The following GPHN variants were observed in gnomAD, a reference collection of about 807,000 sequenced individuals.
The protein encoded by GPHN is gephyrin.
GPHN carries 17 observed loss-of-function variants against 95.5 expected under a neutral mutation model. The observed-to-expected ratio is 0.18, with a 90% CI of 0.12 to 0.27. GPHN has a LOEUF of 0.27. GPHN is among the 10% of genes least tolerant of loss of function. GPHN has a pLI of 1.00. For synonymous variants in GPHN, 320 were observed against 322.5 expected (o/e 0.99, Z 0.08); for missense variants, 660 against 978.1 (o/e 0.67, Z 4.34).
At chr14:67,575,326 G>T in the GPHN span, 1 of 940,992 alleles carries the variant, frequency 1.1e-6, no homozygotes, top group Non-Finnish European at 1.6e-6. Flanking sequence ...GCTTCTATTT[G>T]CCAGTCCTGG....
At chr14:67,441,429 C>T in the GPHN span, among the ~76,000 whole-genome samples, 1 of 152,290 alleles carries the variant, frequency 6.6e-6, no homozygotes, top group African/African-American at 2.4e-5. Flanking sequence ...CCCAGTGAAC[C>T]ACTGTGTGGG....
In GPHN at chr14:66,740,664, T is replaced by G. The variant is rs2072725132; in HGVS notation, c.144-35800T>G. Among the ~76,000 whole-genome samples the G allele has an allele frequency of 5.3e-5, 8 of 152,326 alleles. No homozygotes were observed. The South Asian group carries it at 1.7e-3, about 32-fold the overall frequency. ...TCCTGTGGTAAGTGCTTATCATATT[T>G]TTAAAATGACTGATATTTGGCTCTT... is the stretch of plus-strand genomic sequence containing the variant. On this transcript the variant is annotated intron_variant, in intron 2 of 22. Coordinates refer to ENST00000478722, the MANE Select transcript of GPHN (RefSeq NM_020806.5).
the GPHN span, among the ~76,000 whole-genome samples, chr14:67,427,919 A>G: frequency 7.7e-6 from 1 of 130,128 alleles, no homozygotes; most frequent in African/African-American, 3.6e-5. Flanking sequence ...GGAGCTCGAC[A>G]ATGCCCTTTT....
At chr14:67,572,040 G>A in the GPHN span, 39 of 1,489,504 alleles carry the variant, frequency 2.6e-5, no homozygotes, top group East Asian at 3.0e-4. Context: ...CCCAGAGACC[G>A]GGTCCCGGGT....
chr14:67,115,093 T>C (rs2078599721), intron 16 of GPHN, among the ~76,000 whole-genome samples: 1 of 152,222 alleles, frequency 6.6e-6, no homozygotes, highest in African/African-American at 2.4e-5. Flanking sequence ...TTCTAAATTA[T>C]ATTATCTCTG....
chr14:66,773,935 C>A (rs2059279177), intron 2 of GPHN, among the ~76,000 whole-genome samples: 1 of 140,682 alleles, frequency 7.1e-6, no homozygotes, highest in South Asian at 2.3e-4. Context: ...CCTAGATAAT[C>A]TTTATATTTT....
chr14:67,198,134 A>C, the GPHN span: 1 of 1,593,912 alleles, frequency 6.3e-7, no homozygotes, highest in Non-Finnish European at 8.5e-7. Context: ...CCATTCCCTC[A>C]GTTTTTTTAT....
chr14:66,654,998 A>G (rs1194233455), intron 1 of GPHN, among the ~76,000 whole-genome samples: 2 of 152,176 alleles, frequency 1.3e-5, no homozygotes, highest in African/African-American at 4.8e-5. Flanking sequence ...TTTCTGGCTA[A>G]TACCACACAG....
intron 21 of GPHN, among the ~76,000 whole-genome samples, chr14:67,173,023 C>G (rs2082689241): frequency 1.3e-5 from 2 of 152,232 alleles, no homozygotes; most frequent in Non-Finnish European, 2.9e-5. Context: ...GAGCTGTGCC[C>G]TGCCCGCCAG....
chr14:67,114,160 C>T (rs1208142623), intron 16 of GPHN, among the ~76,000 whole-genome samples: 1 of 152,148 alleles, frequency 6.6e-6, no homozygotes, highest in African/African-American at 2.4e-5. Context: ...GATGTGCTTA[C>T]TTCCCAGTAT....
chr14:66,560,910 C>T (rs1242239244), intron 1 of GPHN, among the ~76,000 whole-genome samples: 1 of 152,218 alleles, frequency 6.6e-6, no homozygotes, highest in African/African-American at 2.4e-5. Flanking sequence ...TTTTGAAATA[C>T]ATCCCATCAT....
At chr14:66,896,294 C>G (rs2064845592) in intron 5 of GPHN, among the ~76,000 whole-genome samples, 1 of 152,070 alleles carries the variant, frequency 6.6e-6, no homozygotes, top group Admixed American at 6.6e-5. Context: ...TTGAAAACAG[C>G]ATGTAATTTG....
intron 1 of GPHN, among the ~76,000 whole-genome samples, chr14:66,667,236 T>A (rs1192045294): frequency 1.3e-5 from 2 of 152,222 alleles, no homozygotes; most frequent in Non-Finnish European, 1.5e-5. Context: ...AATTCATTGC[T>A]ATTCTGATTA....
At chr14:67,182,821 A>G (rs2083343005), downstream of GPHN, among the ~76,000 whole-genome samples, 1 of 151,662 alleles carries the variant, frequency 6.6e-6, no homozygotes, top group African/African-American at 2.4e-5. Context: ...TTCAAGGAGT[A>G]AGATGGCATG....
the GPHN span, among the ~76,000 whole-genome samples, chr14:67,456,199 A>G: frequency 6.6e-6 from 1 of 152,246 alleles, no homozygotes. Flanking sequence ...CCATCTGGCC[A>G]ACAAGTATAT....
At chr14:67,171,040 G>C (rs1308806679) in intron 21 of GPHN, among the ~76,000 whole-genome samples, 3 of 152,056 alleles carry the variant, frequency 2.0e-5, no homozygotes, top group Admixed American at 2.0e-4. Flanking sequence ...TGGCCATTCT[G>C]TGTGTCAGTG....
the GPHN span, among the ~76,000 whole-genome samples, chr14:67,715,662 T>A: frequency 1.3e-5 from 2 of 152,386 alleles, no homozygotes; most frequent in African/African-American, 4.8e-5. Context: ...TTTTTGTAAG[T>A]ATCTTCTGAA....
At position 66,623,898 on chromosome 14, in the gene GPHN, C is replaced by T. The variant is rs78500320; in HGVS notation, c.65-57209C>T. Among the ~76,000 whole-genome samples, 581 of 152,212 alleles carry T rather than the reference C, an allele frequency of 3.8e-3. 5 individuals carry two copies. Among genetic ancestry groups the T allele is most frequent in the African/African-American group, 0.011 (451 of 41,548 alleles). On this transcript the variant is annotated intron_variant, in intron 1 of 22. Coordinates refer to ENST00000478722, the MANE Select transcript of GPHN (RefSeq NM_020806.5). Reference sequence around the variant, plus strand: ...GCTGAAGATGAAGGGGAAGAGCTACCGTAATATTTCACCTCCTTGAGCGAG... The same window carrying T: ...GCTGAAGATGAAGGGGAAGAGCTACTGTAATATTTCACCTCCTTGAGCGAG...
rs573319618 is a variant in GPHN at position 66,968,490 on chromosome 14, C to T, written c.963+3165C>T. On this transcript the variant is annotated intron_variant, in intron 9 of 22. Coordinates refer to ENST00000478722, the MANE Select transcript of GPHN (RefSeq NM_020806.5). ...AGAAATCCTTTCTACATTTCAAATT[C>T]GGCATGCACAGATTTTCATGCACAG... 6.6e-5 allele frequency among the ~76,000 whole-genome samples: 10 copies of T among 152,160 alleles called. No homozygotes were observed. In the South Asian group the frequency reaches 1.7e-3, roughly 25 times the overall value.
Sources: allele counts gnomAD v4.1 joint callset (sites outside exome capture counted in the v4.1 genomes callset), GRCh38; gene constraint gnomAD v4.1.1; transcripts MANE v1.5; gene names NCBI Gene and HGNC (gene_info 2026-07-23, HGNC 2026-07-21).